The following CACNA2D3 variants were observed in gnomAD, a reference collection of about 807,000 sequenced individuals.
CACNA2D3 encodes calcium voltage-gated channel auxiliary subunit alpha2delta 3.
In CACNA2D3, 60 loss-of-function variants were observed where a neutral mutation model predicts 160.6. That is an observed-to-expected ratio of 0.37 (90% CI 0.30 to 0.46). CACNA2D3 has a LOEUF of 0.46. Ranked by LOEUF, CACNA2D3 falls within the 20% of genes least tolerant of loss-of-function variation. The pLI, the probability that CACNA2D3 is intolerant of heterozygous loss-of-function variation, is 1.00. For synonymous variants in CACNA2D3, 558 were observed against 492.9 expected (o/e 1.13, Z -1.75); for missense variants, 1,205 against 1,365.0 (o/e 0.88, Z 1.85).
chr3:54,950,172 A>G (rs1701722209), intron 27 of CACNA2D3, among the ~76,000 whole-genome samples: 1 of 152,226 alleles, frequency 6.6e-6, no homozygotes. Context: ...CTATTTCCAT[A>G]CAGCCGAGGT....
intron 6 of CACNA2D3, among the ~76,000 whole-genome samples, chr3:54,563,890 G>A (rs148195872): frequency 1.4e-3 from 208 of 152,278 alleles, no homozygotes; most frequent in African/African-American, 4.5e-3. Context: ...TGCCTGCTGG[G>A]TCTCTGCTTT....
At chr3:54,798,953 T>C (rs896451233) in intron 13 of CACNA2D3, among the ~76,000 whole-genome samples, 7 of 152,264 alleles carry the variant, frequency 4.6e-5, no homozygotes, top group African/African-American at 1.7e-4. Context: ...CTTCAAGTTA[T>C]TGACTCCTTC....
At chr3:54,658,984 C>G (rs1446601149) in intron 11 of CACNA2D3, among the ~76,000 whole-genome samples, 1 of 152,078 alleles carries the variant, frequency 6.6e-6, no homozygotes, top group South Asian at 2.1e-4. Context: ...CTCTCTGGGG[C>G]ACTTTGCCCC....
intron 14 of CACNA2D3, among the ~76,000 whole-genome samples, chr3:54,829,166 C>A (rs1328197501): frequency 1.3e-5 from 2 of 152,194 alleles, no homozygotes; most frequent in African/African-American, 4.8e-5. Context: ...CCTTTCCAGG[C>A]ATGAGATGCA....
intron 27 of CACNA2D3, among the ~76,000 whole-genome samples, chr3:54,961,408 A>G (rs1055973769): frequency 6.6e-6 from 1 of 152,252 alleles, no homozygotes; most frequent in Non-Finnish European, 1.5e-5. Context: ...GGAAATCCTT[A>G]GCAGGTAATT....
chr3:54,719,389 G>T (rs1291903997), intron 11 of CACNA2D3, among the ~76,000 whole-genome samples: 2 of 151,722 alleles, frequency 1.3e-5, no homozygotes, highest in African/African-American at 4.8e-5. Flanking sequence ...GTTGAATTTT[G>T]TCGAGTGCTT....
intron 3 of CACNA2D3, among the ~76,000 whole-genome samples, chr3:54,344,962 G>A (rs117230894): frequency 0.015 from 2,250 of 152,250 alleles, 34 homozygotes; most frequent in South Asian, 0.043. Context: ...ACCTCTGGTC[G>A]TCCTCACTGC....
chr3:54,217,528 CT>C (rs1186807779), intron 2 of CACNA2D3, among the ~76,000 whole-genome samples: 1 of 152,076 alleles, frequency 6.6e-6, no homozygotes, highest in African/African-American at 2.4e-5. Context: ...CAGATGGGCC[CT>C]AAATGCTCTC....
At chr3:54,174,994 G>T (rs1324945334) in intron 2 of CACNA2D3, among the ~76,000 whole-genome samples, 1 of 152,154 alleles carries the variant, frequency 6.6e-6, no homozygotes, top group Non-Finnish European at 1.5e-5. Context: ...TGTGTCTGGG[G>T]CAGGGGGTTT....
At chr3:54,208,917 G>A (rs1169816552) in intron 2 of CACNA2D3, among the ~76,000 whole-genome samples, 1 of 152,048 alleles carries the variant, frequency 6.6e-6, no homozygotes, top group African/African-American at 2.4e-5. Flanking sequence ...TCACAAACAT[G>A]GTGGAAGGCA....
intron 11 of CACNA2D3, among the ~76,000 whole-genome samples, chr3:54,656,373 T>G (rs1210740141): frequency 6.6e-6 from 1 of 152,250 alleles, no homozygotes; most frequent in African/African-American, 2.4e-5. Context: ...GACTGTGAAC[T>G]GGCTGGGACC....
At chr3:54,391,667 C>CA (rs1266997502) in intron 4 of CACNA2D3, among the ~76,000 whole-genome samples, 1 of 152,122 alleles carries the variant, frequency 6.6e-6, no homozygotes, top group Non-Finnish European at 1.5e-5. Context: ...TGCACCATGA[C>CA]ACCCAGCTAC....
intron 35 of CACNA2D3, among the ~76,000 whole-genome samples, chr3:55,038,515 C>T (rs9812233): frequency 0.017 from 2,531 of 152,144 alleles, 67 homozygotes; most frequent in African/African-American, 0.058. Context: ...GCTATATATA[C>T]ATATAAAAAC....
chr3:54,742,460 C>T (rs548428335), intron 11 of CACNA2D3, among the ~76,000 whole-genome samples: 1 of 152,056 alleles, frequency 6.6e-6, no homozygotes, highest in Non-Finnish European at 1.5e-5. Context: ...AAGTAACTTA[C>T]CCCAAGGCCT....
At chr3:54,980,316 T>A (rs2107094248) in intron 29 of CACNA2D3, among the ~76,000 whole-genome samples, 1 of 152,340 alleles carries the variant, frequency 6.6e-6, no homozygotes, top group East Asian at 1.9e-4. Context: ...TATTCCAGTG[T>A]TTAATTTACA....
At chr3:54,758,826 T>C (rs985846752) in intron 12 of CACNA2D3, among the ~76,000 whole-genome samples, 1 of 151,976 alleles carries the variant, frequency 6.6e-6, no homozygotes, top group Admixed American at 6.6e-5. Context: ...ACTCAACAAC[T>C]CAAAGGAATC....
At chr3:54,767,343 TA>T (rs1702244550) in intron 13 of CACNA2D3, among the ~76,000 whole-genome samples, 1 of 152,144 alleles carries the variant, frequency 6.6e-6, no homozygotes. Context: ...CCCCTCAATC[TA>T]GGGAGGAAAA....
At chr3:54,976,065 AC>A (rs1702385473) in intron 29 of CACNA2D3, among the ~76,000 whole-genome samples, 2 of 94,462 alleles carry the variant, frequency 2.1e-5, no homozygotes, top group South Asian at 8.5e-4. Context: ...ATACACACAC[AC>A]ACACACACAC....
At chr3:54,912,528 C>G (rs1300133976) in intron 27 of CACNA2D3, among the ~76,000 whole-genome samples, 1 of 152,162 alleles carries the variant, frequency 6.6e-6, no homozygotes, top group South Asian at 2.1e-4. Context: ...GCCTTTGCAC[C>G]TGCCATGCCT....
Sources: allele counts gnomAD v4.1 joint callset (sites outside exome capture counted in the v4.1 genomes callset), GRCh38; gene constraint gnomAD v4.1.1; transcripts MANE v1.5; gene names NCBI Gene and HGNC (gene_info 2026-07-23, HGNC 2026-07-21).